The following ZNF345 variants were observed in gnomAD, a reference collection of about 807,000 sequenced individuals.
The protein encoded by ZNF345 is zinc finger protein 345.
For synonymous variants in ZNF345, 166 were observed against 187.9 expected (o/e 0.88, Z 0.95); for missense variants, 527 against 589.9 (o/e 0.89, Z 1.10).
chr19:36,882,783 G>A (rs372341602), downstream of ZNF345, among the ~76,000 whole-genome samples: 5 of 152,130 alleles, frequency 3.3e-5, no homozygotes, highest in South Asian at 2.1e-4. Flanking sequence ...CCAAATATAC[G>A]TTAGGTTTTT....
intron 2 of ZNF345, among the ~76,000 whole-genome samples, chr19:36,875,314 C>A (rs1413629968): frequency 2.6e-5 from 4 of 152,136 alleles, no homozygotes; most frequent in African/African-American, 9.7e-5. Flanking sequence ...TTTAAAGATA[C>A]ATCATTTAGC....
intron 3 of ZNF345, among the ~76,000 whole-genome samples, chr19:36,886,138 A>G (rs1279794096): frequency 3.3e-5 from 5 of 152,218 alleles, no homozygotes; most frequent in African/African-American, 4.8e-5. Context: ...TGATATGACT[A>G]TATTATCAGA....
At chr19:36,861,069 A>G (rs1226020687) in intron 2 of ZNF345, among the ~76,000 whole-genome samples, 2 of 152,060 alleles carry the variant, frequency 1.3e-5, no homozygotes, top group East Asian at 3.9e-4. Flanking sequence ...ATAGATGTTT[A>G]CTTTCCTCAA....
chr19:36,892,255 A>G lies in ZNF345; in HGVS notation c.47-563A>G. 2 of 1,614,048 alleles carry G rather than the reference A, an allele frequency of 1.2e-6. No homozygotes were observed. The highest frequency in any genetic ancestry group is 1.7e-6 in the Non-Finnish European group (2 of 1,180,028). On this transcript the variant is annotated intron_variant, in intron 3 of 3. Coordinates refer to the ZNF345 transcript ENST00000526123. Reference sequence around the variant, plus strand: ...CTTAGATTCATAGTGTTTTTCACCAAAATGAATTCTCTGATGTTGGATAAA... The same window carrying G: ...CTTAGATTCATAGTGTTTTTCACCAGAATGAATTCTCTGATGTTGGATAAA...
intron 2 of ZNF345, among the ~76,000 whole-genome samples, chr19:36,868,581 A>G (rs906087706): frequency 6.6e-6 from 1 of 150,418 alleles, no homozygotes; most frequent in African/African-American, 2.4e-5. Flanking sequence ...TTACAGTTCC[A>G]TATGATTTTG....
intron 2 of ZNF345, among the ~76,000 whole-genome samples, chr19:36,875,386 G>C (rs562201004): frequency 6.6e-6 from 1 of 152,138 alleles, no homozygotes; most frequent in Non-Finnish European, 1.5e-5. Context: ...GATATAGGGG[G>C]ACATTTCAGG....
chr19:36,884,727 G>A (rs1329821085), intron 3 of ZNF345, among the ~76,000 whole-genome samples: 1 of 152,114 alleles, frequency 6.6e-6, no homozygotes, highest in Non-Finnish European at 1.5e-5. Context: ...ATGTTATACT[G>A]TCGGGTGGCC....
At position 36,876,983 on chromosome 19, in the gene ZNF345, G is replaced by A. The variant is rs1477054965; in HGVS notation, c.153G>A (p.Gln51=). Residue 51 remains glutamine, a synonymous_variant, in exon 3 of 3, where the codon CAG becomes CAA. Coordinates refer to ENST00000420450, the MANE Select transcript of ZNF345 (RefSeq NM_001242472.2). Reference sequence around the variant, plus strand: ...AAGACATGCCCACTTTCAGTATCCAGCATCAGAGAATTCATACTGATGAGA... The same window carrying A: ...AAGACATGCCCACTTTCAGTATCCAACATCAGAGAATTCATACTGATGAGA... ...TPEDMPTFSI[Q]HQRIHTDEKL... 6 of 1,614,024 alleles carry A rather than the reference G, an allele frequency of 3.7e-6. No individual in the cohort carries two copies. In the African/African-American group the frequency reaches 5.3e-5, roughly 14 times the overall value.
At chr19:36,857,071 T>C (rs368884952) in intron 2 of ZNF345, among the ~76,000 whole-genome samples, 4 of 152,252 alleles carry the variant, frequency 2.6e-5, no homozygotes, top group Non-Finnish European at 5.9e-5. Flanking sequence ...GTGTTTATTA[T>C]GCCAAAATAC....
chr19:36,878,923 C>A lies in ZNF345; in HGVS notation c.*626C>A. On this transcript the variant is annotated 3_prime_UTR_variant, in exon 3 of 3. Transcript: ENST00000420450. The stretch of plus-strand genomic sequence containing the variant: ...TGCAATCTCGGTTCACTGCAACCTC[C>A]ACCTCCCGAGTTCAAGTGATTTTCC... The A allele has an allele frequency of 6.1e-6, 1 of 164,330 alleles. No individual in the cohort carries two copies. The allele number at this position is 164,330 out of a possible 1,614,324, so 10.2% of individuals were successfully genotyped here.
intron 2 of ZNF345, among the ~76,000 whole-genome samples, chr19:36,870,727 C>G (rs1032598823): frequency 3.3e-5 from 5 of 152,130 alleles, no homozygotes; most frequent in African/African-American, 1.2e-4. Context: ...TATACCCTGT[C>G]TTTGCATATT....
At chr19:36,873,351 C>A (rs953495987) in intron 2 of ZNF345, among the ~76,000 whole-genome samples, 2 of 151,932 alleles carry the variant, frequency 1.3e-5, no homozygotes, top group Admixed American at 1.3e-4. Flanking sequence ...TAATATTTGC[C>A]TATTTTTTGT....
chr19:36,873,761 G>A (rs2112140), intron 2 of ZNF345, among the ~76,000 whole-genome samples: 48,914 of 150,276 alleles, frequency 0.33, 8,974 homozygotes, highest in East Asian at 0.7. Context: ...CTTATTTCAC[G>A]TAGCATAACG....
At chr19:36,865,618 G>A (rs1365693644) in intron 2 of ZNF345, among the ~76,000 whole-genome samples, 2 of 152,004 alleles carry the variant, frequency 1.3e-5, no homozygotes, top group African/African-American at 2.4e-5. Flanking sequence ...GTGCCACCAC[G>A]CCCAGCTACT....
chr19:36,878,281 T>A lies in ZNF345; in HGVS notation c.1451T>A (p.Leu484Ter). 6.4e-7 allele frequency: 1 copy of A among 1,570,578 alleles called. No homozygotes were observed. Among genetic ancestry groups the A allele is most frequent in the South Asian group, 1.2e-5 (1 of 83,360 alleles). The change falls in exon 3 of 3, where the codon TTG (leucine) becomes TAG (stop). Residue 484 changes from leucine to a stop codon, truncating the protein, a stop_gained. Coordinates refer to ENST00000420450, the MANE Select transcript of ZNF345 (RefSeq NM_001242472.2). LOFTEE classifies it high-confidence loss of function. ...KSHNGKKLCELETIN is the reference protein window; with the variant it reads ...KSHNGKKLCE The stretch of plus-strand genomic sequence containing the variant: ...CATAATGGTAAGAAACTCTGCGAAT[T>A]GGAAACTATAAATTGAAATTATGTG...
In ZNF345 at chr19:36,878,167, G is replaced by T. The variant is rs144441065; in HGVS notation, c.1337G>T (p.Arg446Ile). 6 of 1,614,160 alleles carry T rather than the reference G, an allele frequency of 3.7e-6. No individual in the cohort carries two copies. The highest frequency in any genetic ancestry group is 2.2e-5 in the East Asian group (1 of 44,868). Residue 446 changes from arginine to isoleucine, a missense_variant, in exon 3 of 3, where the codon AGA becomes ATA. By Grantham distance (97) the Arg-to-Ile change is moderately conservative (BLOSUM62 -3). Coordinates refer to ENST00000420450, the MANE Select transcript of ZNF345 (RefSeq NM_001242472.2). Reference protein sequence around the residue: ...YSGSSLTQHQRIHTGEKLYEC... With the variant: ...YSGSSLTQHQIIHTGEKLYEC... Reference sequence around the variant, plus strand: ...GGCTCAAGCCTTACTCAGCATCAGAGAATTCATACAGGTGAGAAACTTTAT... The same window carrying T: ...GGCTCAAGCCTTACTCAGCATCAGATAATTCATACAGGTGAGAAACTTTAT...
chr19:36,876,287 C>T (rs1354637033), intron 2 of ZNF345, among the ~76,000 whole-genome samples: 3 of 152,162 alleles, frequency 2.0e-5, no homozygotes, highest in African/African-American at 7.2e-5. Context: ...CTGTCTCCAT[C>T]AGTTTATATG....
At chr19:36,875,039 A>G (rs2072854478) in intron 2 of ZNF345, among the ~76,000 whole-genome samples, 1 of 152,192 alleles carries the variant, frequency 6.6e-6, no homozygotes, top group Non-Finnish European at 1.5e-5. Context: ...TATATTATTC[A>G]ATAAATGCAT....
At chr19:36,861,630 C>T (rs1044523654) in intron 2 of ZNF345, among the ~76,000 whole-genome samples, 3 of 151,852 alleles carry the variant, frequency 2.0e-5, no homozygotes, top group Non-Finnish European at 2.9e-5. Flanking sequence ...GCGTGATCTC[C>T]GCTCACTGCA....
Sources: allele counts gnomAD v4.1 joint callset (sites outside exome capture counted in the v4.1 genomes callset), GRCh38; gene constraint gnomAD v4.1.1; transcripts MANE v1.5; gene names NCBI Gene and HGNC (gene_info 2026-07-23, HGNC 2026-07-21).